Variants in GPN1 observed in about 807,000 individuals in gnomAD.
The protein encoded by GPN1 is GPN-loop GTPase 1, also known as ATP(GTP)-binding protein.
A neutral mutation model predicts 55.9 loss-of-function variants in GPN1; 44 were observed. That is an observed-to-expected ratio of 0.79 (90% CI 0.62 to 1.01). The LOEUF (loss-of-function observed/expected upper bound fraction) is 1.01, where lower values mean the gene tolerates loss of function less well. Among genes scored for constraint, GPN1 ranks in the 50% least tolerant of loss-of-function variants. The pLI, the probability that GPN1 is intolerant of heterozygous loss-of-function variation, is 0.00. For synonymous variants in GPN1, 179 were observed against 162.5 expected (o/e 1.10, Z -0.77); for missense variants, 466 against 462.8 (o/e 1.01, Z -0.06).
At chr2:27,629,269 C>G in intron 1 of GPN1, 100 bp downstream of exon 1, 1 of 1,479,980 alleles carries the variant, frequency 6.8e-7, no homozygotes, top group Non-Finnish European at 9.3e-7. Context: ...TGGAGGGTAC[C>G]GGCGCATGGC....
At chr2:27,637,482 T>C (rs1673774961) in intron 7 of GPN1, among the ~76,000 whole-genome samples, 1 of 152,204 alleles carries the variant, frequency 6.6e-6, no homozygotes, top group Non-Finnish European at 1.5e-5. Context: ...ATAATTTTTA[T>C]TTGTCAACTA....
chr2:27,645,496 T>G (rs1394498330), intron 12 of GPN1, among the ~76,000 whole-genome samples: 1 of 152,130 alleles, frequency 6.6e-6, no homozygotes, highest in Non-Finnish European at 1.5e-5. Flanking sequence ...TTACATTATA[T>G]TCATAATTAA....
chr2:27,643,825 T>C lies in GPN1; in HGVS notation c.931+1306T>C, dbSNP rs1674081111. On this transcript the variant is annotated intron_variant, in intron 12 of 13. Coordinates refer to ENST00000610189, the MANE Select transcript of GPN1 (RefSeq NM_007266.4). This position sits in a 1 kb window ranked among gnomAD's most constrained non-coding sequence, Gnocchi z 4.0. ...ACGTGATGTTGATTTGTCCCATTAC[T>C]GGTGATGTTAACTTTGAGTATTTTT... 6.6e-6 allele frequency among the ~76,000 whole-genome samples: 1 copy of C among 152,242 alleles called. No individual in the cohort carries two copies. The highest frequency in any genetic ancestry group is 1.5e-5 in the Non-Finnish European group (1 of 68,042).
At chr2:27,633,816 A>G (rs1282134488) in intron 5 of GPN1, among the ~76,000 whole-genome samples, 1 of 151,386 alleles carries the variant, frequency 6.6e-6, no homozygotes, top group African/African-American at 2.4e-5. Flanking sequence ...CTTTATTAAG[A>G]TATAATTCAT....
At chr2:27,644,585 A>G (rs1674125162) in intron 12 of GPN1, among the ~76,000 whole-genome samples, 1 of 151,914 alleles carries the variant, frequency 6.6e-6, no homozygotes, top group Non-Finnish European at 1.5e-5. Context: ...CTAAATTGAG[A>G]TCCCCGATTA....
chr2:27,630,277 ACT>A (rs1444220129), intron 2 of GPN1, among the ~76,000 whole-genome samples: 1 of 149,954 alleles, frequency 6.7e-6, no homozygotes, highest in Non-Finnish European at 1.5e-5. Flanking sequence ...ATAGAGTGAG[ACT>A]CTGTAAAGCC....
At chr2:27,629,384 G>T (rs1558484402) in intron 1 of GPN1, 9 of 1,550,918 alleles carry the variant, frequency 5.8e-6, no homozygotes, top group Non-Finnish European at 7.0e-6. Context: ...GGGCATACTC[G>T]GTCCAGCTTA....
chr2:27,645,499 ATAAT>A (rs1177551000), intron 12 of GPN1, among the ~76,000 whole-genome samples: 1 of 152,088 alleles, frequency 6.6e-6, no homozygotes, highest in African/African-American at 2.4e-5. Context: ...CATTATATTC[ATAAT>A]TAATTTAGGG....
chr2:27,631,483 A>C, intron 3 of GPN1: 1 of 432,816 alleles, frequency 2.3e-6, no homozygotes, highest in Non-Finnish European at 4.2e-6. Flanking sequence ...AAGACTAATC[A>C]TAATCAGCAG....
intron 7 of GPN1, among the ~76,000 whole-genome samples, chr2:27,638,004 C>T (rs1229198373): frequency 6.6e-6 from 1 of 152,090 alleles, no homozygotes; most frequent in East Asian, 1.9e-4. Context: ...ATTATTACTT[C>T]AAACAAGAGT....
rs988530730 is a variant in GPN1 at position 27,651,155 on chromosome 2, C to T, written c.*955C>T. On this transcript the variant is annotated 3_prime_UTR_variant, in exon 14 of 14. Coordinates refer to ENST00000610189, the MANE Select transcript of GPN1 (RefSeq NM_007266.4). ...ACGTTTGCCCTGCCTCCACATTTTACAGTATCTTAAAACAGTACATTTCTT... is the reference window on the plus strand; with the variant it reads ...ACGTTTGCCCTGCCTCCACATTTTATAGTATCTTAAAACAGTACATTTCTT... The T allele has an allele frequency of 5.2e-5, 8 of 152,386 alleles. No homozygotes were observed. The highest frequency in any genetic ancestry group is 1.7e-4 in the African/African-American group (7 of 41,470). The allele number at this position is 152,386 out of a possible 1,614,324, so 9.4% of individuals were successfully genotyped here.
At chr2:27,631,389 A>G in intron 3 of GPN1, 1 of 446,728 alleles carries the variant, frequency 2.2e-6, no homozygotes, top group Non-Finnish European at 4.0e-6. Context: ...TGGGAAACTC[A>G]GAAATGAGTG....
At position 27,644,258 on chromosome 2, in the gene GPN1, T is replaced by C. The variant is rs181538273; in HGVS notation, c.931+1739T>C. ...TAATAAGAATTTTGTGGGGTGATGCTTTGAGACTATAAATATCCTTTTAGT... is the reference window on the plus strand; with the variant it reads ...TAATAAGAATTTTGTGGGGTGATGCCTTGAGACTATAAATATCCTTTTAGT... On this transcript the variant is annotated intron_variant, in intron 12 of 13. Transcript: ENST00000610189. 2.0e-5 allele frequency among the ~76,000 whole-genome samples: 3 copies of C among 152,338 alleles called. No individual in the cohort carries two copies. The East Asian group carries it at 5.8e-4, about 29-fold the overall frequency.
chr2:27,642,826 A>G (rs906512796), intron 12 of GPN1, among the ~76,000 whole-genome samples: 9 of 152,000 alleles, frequency 5.9e-5, no homozygotes, highest in Non-Finnish European at 1.3e-4. Flanking sequence ...GGGCCTCCCA[A>G]AATGCTGGGA....
At chr2:27,629,576 C>A in intron 1 of GPN1, 1 of 673,384 alleles carries the variant, frequency 1.5e-6, no homozygotes, top group Non-Finnish European at 2.6e-6. Flanking sequence ...TGACAAGATT[C>A]ATTCGTGGGG....
At chr2:27,629,039 T>C (rs771274927), upstream of GPN1, 5 of 1,613,858 alleles carry the variant, frequency 3.1e-6, no homozygotes, top group Non-Finnish European at 1.7e-6. Context: ...TATGGTCGGG[T>C]GGGTGGGGCC....
chr2:27,631,969 T>C lies in GPN1; in HGVS notation c.312+69T>C. The C allele has an allele frequency of 3.3e-6, 3 of 901,964 alleles. 1 individual carries two copies. The East Asian group carries it at 7.2e-5, about 22-fold the overall frequency. 55.9% of individuals were successfully genotyped at this position (901,964 alleles called of 1,614,324 possible). A position where few individuals can be genotyped will look rare whatever the true frequency, so the allele number is the denominator to read the frequency against. ...GTGACTCTTAAATTCCTTAGCTTGA[T>C]CACATTGGTAAAGAAGAGCAGCAAA... is the stretch of plus-strand genomic sequence containing the variant. On this transcript the variant is annotated intron_variant, in intron 4 of 13. Transcript: ENST00000610189.
In GPN1 at chr2:27,642,535, T is replaced by C. The variant is rs1673998464; in HGVS notation, c.931+16T>C. On this transcript the variant is annotated intron_variant, in intron 12 of 13. Transcript: ENST00000610189. ...ACTGCCAAAGGTATTGGAGGGTTTC[T>C]TGGTGTTAGGAACTAAAAAAAGGTT... The C allele has an allele frequency of 2.0e-6, 3 of 1,500,486 alleles. No individual in the cohort carries two copies. Among genetic ancestry groups the C allele is most frequent in the South Asian group, 2.3e-5 (2 of 88,520 alleles). The allele number at this position is 1,500,486 out of a possible 1,614,324, so 92.9% of individuals were successfully genotyped here.
In GPN1 at chr2:27,651,053, CAA is replaced by C. The variant is rs1674514246; in HGVS notation, c.*855_*856del. On this transcript the variant is annotated 3_prime_UTR_variant, in exon 14 of 14. Coordinates refer to ENST00000610189, the MANE Select transcript of GPN1 (RefSeq NM_007266.4). Reference sequence around the variant, plus strand: ...TTTGTATTGTACTCTGAACTTAATGCAAAGTCTCCTTGGTGATTTTCGCAAAG... The same window carrying C: ...TTTGTATTGTACTCTGAACTTAATGCAGTCTCCTTGGTGATTTTCGCAAAG... The C allele has an allele frequency of 6.6e-6, 1 of 152,362 alleles. No individual in the cohort carries two copies. Among genetic ancestry groups the C allele is most frequent in the African/African-American group, 2.4e-5 (1 of 41,464 alleles). The allele number at this position is 152,362 out of a possible 1,614,324, so 9.4% of individuals were successfully genotyped here.
Sources: gnomAD v4.1 joint callset for allele counts (sites outside exome capture counted in the v4.1 genomes callset) on GRCh38, gnomAD v4.1.1 for gene constraint, Gnocchi (gnomAD v3.1) non-coding constraint, MANE v1.5 for transcripts, NCBI Gene and HGNC (gene_info 2026-07-23, HGNC 2026-07-21) for gene names.